Variants in ADAM23 observed in about 807,000 individuals in gnomAD.
ADAM23 encodes ADAM metallopeptidase domain 23, also known as disintegrin and metalloproteinase domain-containing protein 23.
A neutral mutation model predicts 120.1 loss-of-function variants in ADAM23; 33 were observed. The ratio of observed to expected loss-of-function variants is 0.27; its 90% CI spans 0.21 to 0.37. The LOEUF is 0.37. Among genes scored for constraint, ADAM23 ranks in the 10% least tolerant of loss-of-function variants. The pLI, the probability that ADAM23 is intolerant of heterozygous loss-of-function variation, is 1.00. For synonymous variants in ADAM23, 367 were observed against 375.2 expected (o/e 0.98, Z 0.25); for missense variants, 862 against 1,058.2 (o/e 0.81, Z 2.57).
chr2:206,614,519 G>A lies in ADAM23; in HGVS notation c.2451-3060G>A, dbSNP rs188509263. 5.7e-4 allele frequency among the ~76,000 whole-genome samples: 86 copies of A among 152,192 alleles called. 1 individual carries two copies. The highest frequency in any genetic ancestry group is 1.9e-3 in the South Asian group (9 of 4,818). Reference sequence around the variant, plus strand: ...AAAATACAAAAATTAACCGGGCATGGTGGTGCACGCCTGTAATCCCAGCTA... The same window carrying A: ...AAAATACAAAAATTAACCGGGCATGATGGTGCACGCCTGTAATCCCAGCTA... On this transcript the variant is annotated intron_variant, in intron 25 of 25. Coordinates refer to ENST00000264377, the MANE Select transcript of ADAM23 (RefSeq NM_003812.4).
intron 3 of ADAM23, among the ~76,000 whole-genome samples, chr2:206,495,768 G>A (rs1160309465): frequency 6.6e-6 from 1 of 152,128 alleles, no homozygotes; most frequent in East Asian, 1.9e-4. Context: ...CTCATGTGCA[G>A]AGACACACAT....
At chr2:206,533,075 T>C (rs1697100018) in intron 4 of ADAM23, among the ~76,000 whole-genome samples, 1 of 152,176 alleles carries the variant, frequency 6.6e-6, no homozygotes, top group South Asian at 2.1e-4. Context: ...AAGATTGTCT[T>C]TTATGCTGCT....
rs554656908 is a variant in ADAM23, at chr2:206,526,401, C to A, written c.510-4484C>A. 3.3e-5 allele frequency among the ~76,000 whole-genome samples: 5 copies of A among 152,300 alleles called. No individual in the cohort carries two copies. The East Asian group carries it at 9.7e-4, about 29-fold the overall frequency. The stretch of plus-strand genomic sequence containing the variant: ...TCAGTGACAAACATGAAATCTGAGA[C>A]TTCAGCACTGTAAAATGTTATCTCT... On this transcript the variant is annotated intron_variant, in intron 3 of 25. Coordinates refer to ENST00000264377, the MANE Select transcript of ADAM23 (RefSeq NM_003812.4).
chr2:206,518,932 A>T (rs980174603), intron 3 of ADAM23, among the ~76,000 whole-genome samples: 1 of 152,178 alleles, frequency 6.6e-6, no homozygotes. Flanking sequence ...TATCAAATAG[A>T]CGTGTGTGTT....
chr2:206,504,203 A>AT (rs3836085), intron 3 of ADAM23, among the ~76,000 whole-genome samples: 1 of 152,100 alleles, frequency 6.6e-6, no homozygotes, highest in African/African-American at 2.4e-5. Flanking sequence ...TGTTAAATAC[A>AT]TTTTTTTGAT....
At chr2:206,445,102 CTATT>C (rs1695052517) in intron 1 of ADAM23, among the ~76,000 whole-genome samples, 1 of 151,418 alleles carries the variant, frequency 6.6e-6, no homozygotes, top group African/African-American at 2.4e-5. Flanking sequence ...GCCTTATTGG[CTATT>C]TATTAACTTC....
At chr2:206,566,024 C>T (rs918206086) in intron 14 of ADAM23, among the ~76,000 whole-genome samples, 1 of 151,966 alleles carries the variant, frequency 6.6e-6, no homozygotes, top group African/African-American at 2.4e-5. Flanking sequence ...TTCCACGGTT[C>T]CCTATTACTC....
chr2:206,605,945 A>G, intron 24 of ADAM23: 1 of 603,176 alleles, frequency 1.7e-6, no homozygotes. Flanking sequence ...CGATGCCTGT[A>G]CCTGACTCCA....
intron 3 of ADAM23, among the ~76,000 whole-genome samples, chr2:206,484,062 T>C (rs1695953674): frequency 6.6e-6 from 1 of 151,812 alleles, no homozygotes; most frequent in African/African-American, 2.4e-5. Flanking sequence ...AGAGGAGATA[T>C]CTATAGGGCA....
chr2:206,524,241 A>G (rs1186468547), intron 3 of ADAM23, among the ~76,000 whole-genome samples: 3 of 152,216 alleles, frequency 2.0e-5, no homozygotes, highest in African/African-American at 7.2e-5. Flanking sequence ...AGTAACTTAC[A>G]TGTTTTACTA....
chr2:206,566,523 G>C (rs1220912607), intron 14 of ADAM23, among the ~76,000 whole-genome samples: 1 of 152,058 alleles, frequency 6.6e-6, no homozygotes, highest in African/African-American at 2.4e-5. Context: ...CTGACATAGA[G>C]ATATTATATT....
At chr2:206,503,927 T>TC (rs1696441251) in intron 3 of ADAM23, among the ~76,000 whole-genome samples, 1 of 152,188 alleles carries the variant, frequency 6.6e-6, no homozygotes, top group African/African-American at 2.4e-5. Flanking sequence ...CCTAATTTTT[T>TC]CCCGATCACC....
chr2:206,551,133 A>G (rs1055847821), intron 9 of ADAM23, among the ~76,000 whole-genome samples: 10 of 152,218 alleles, frequency 6.6e-5, no homozygotes, highest in African/African-American at 2.4e-4. Context: ...AGTAGGCTAT[A>G]TACTAGTACA....
At chr2:206,588,634 C>T (rs1251733349) in intron 20 of ADAM23, among the ~76,000 whole-genome samples, 1 of 152,202 alleles carries the variant, frequency 6.6e-6, no homozygotes, top group Non-Finnish European at 1.5e-5. Flanking sequence ...CAGATAGGTA[C>T]ATGGCTGTGA....
chr2:206,620,827 T>C lies in ADAM23; in HGVS notation c.*3200T>C, dbSNP rs1699041579. Reference sequence around the variant, plus strand: ...TTTTACCAAGTGGTGTGTGTGGTTTTTGTTTTTTACTATGCAAAGATGGGA... The same window carrying C: ...TTTTACCAAGTGGTGTGTGTGGTTTCTGTTTTTTACTATGCAAAGATGGGA... On this transcript the variant is annotated 3_prime_UTR_variant, in exon 26 of 26. Transcript: ENST00000264377. The C allele has an allele frequency of 6.6e-6, 1 of 152,178 alleles. No individual in the cohort carries two copies. The highest frequency in any genetic ancestry group is 2.4e-5 in the African/African-American group (1 of 41,438). The allele number at this position is 152,178 out of a possible 1,614,324, so 9.4% of individuals were successfully genotyped here.
In ADAM23 at chr2:206,596,101, A is replaced by G; in HGVS notation, c.2298A>G (p.Thr766=). 10 of 1,614,032 alleles carry G rather than the reference A, an allele frequency of 6.2e-6. No individual in the cohort carries two copies. Among genetic ancestry groups the G allele is most frequent in the Non-Finnish European group, 8.5e-6 (10 of 1,179,918 alleles). ...TCICDFTWAG[T]DCSIRDPVRN... ...TTTGTGATTTCACCTGGGCAGGGAC[A>G]GATTGCAGTATCCGGGATCCAGTTA... The change falls in exon 24 of 26, where the codon ACA becomes ACG. Residue 766 remains threonine (T), a synonymous_variant. Coordinates refer to ENST00000264377, the MANE Select transcript of ADAM23 (RefSeq NM_003812.4).
intron 3 of ADAM23, among the ~76,000 whole-genome samples, chr2:206,519,313 A>G (rs1001558492): frequency 6.6e-6 from 1 of 152,182 alleles, no homozygotes; most frequent in Non-Finnish European, 1.5e-5. Context: ...ATATTCTGTA[A>G]TTTTCAGAGG....
chr2:206,558,982 TTG>T, intron 10 of ADAM23, among the ~76,000 whole-genome samples: 1 of 152,184 alleles, frequency 6.6e-6, no homozygotes, highest in East Asian at 1.9e-4. Context: ...TCTTGCTCTG[TTG>T]CCCAGGCTGG....
chr2:206,444,163 T>G, intron 1 of ADAM23, 83 bp downstream of exon 1: 1 of 1,089,686 alleles, frequency 9.2e-7, no homozygotes, highest in Non-Finnish European at 1.2e-6. Context: ...GTCCGTGTGC[T>G]CCGGGCTTGT....
Sources: gnomAD v4.1 joint callset for allele counts (sites outside exome capture counted in the v4.1 genomes callset) on GRCh38, gnomAD v4.1.1 for gene constraint, MANE v1.5 for transcripts, NCBI Gene and HGNC (gene_info 2026-07-23, HGNC 2026-07-21) for gene names.